Variants in ZNF821 observed in about 807,000 individuals in gnomAD.
ZNF821 encodes the protein zinc finger protein 821.
In ZNF821, 16 loss-of-function variants were observed where a neutral mutation model predicts 44.3. The ratio of observed to expected loss-of-function variants is 0.36; its 90% CI spans 0.24 to 0.55. The LOEUF is 0.55. Ranked by LOEUF, ZNF821 falls within the 20% of genes least tolerant of loss-of-function variation. The pLI, the probability that ZNF821 is intolerant of heterozygous loss-of-function variation, is 0.86. For missense variants in ZNF821, 436 were observed against 547.6 expected (o/e 0.80, Z 2.03); for synonymous variants, 204 against 197.6 (o/e 1.03, Z -0.27).
intron 3 of ZNF821, among the ~76,000 whole-genome samples, chr16:71,879,037 C>T (rs980609063): frequency 1.3e-5 from 2 of 152,116 alleles, no homozygotes; most frequent in African/African-American, 4.8e-5. Context: ...TGTGATCCAT[C>T]CCACAAATTG....
rs376024412 is a variant in ZNF821 at position 71,869,540 on chromosome 16, C to T, written c.41-1503G>A. Among the ~76,000 whole-genome samples the T allele has an allele frequency of 2.7e-5, 4 of 149,316 alleles. 1 individual carries two copies. In the East Asian group the frequency reaches 7.7e-4, roughly 29 times the overall value. ...CCTCACCTTAATTCTCTGCAAAACT[C>T]CGTGTGGTAGGGATTACTATCTATA... On this transcript the variant is annotated intron_variant, in intron 3 of 7. Coordinates refer to ENST00000425432, the MANE Select transcript of ZNF821 (RefSeq NM_001201552.2).
intron 7 of ZNF821, among the ~76,000 whole-genome samples, chr16:71,861,260 A>G (rs2033850740): frequency 6.6e-6 from 1 of 152,222 alleles, no homozygotes; most frequent in South Asian, 2.1e-4. Context: ...AAGCCAGAAT[A>G]ATGATTTTGA....
Position 71,883,117 on chromosome 16 carries a change from G to C in ZNF821, c.-78+94C>G, listed in dbSNP as rs1375262440. On this transcript the variant is annotated intron_variant, in intron 2 of 7. Transcript: ENST00000425432. ...GAACACTGTCTCTGCTCTCCCACAG[G>C]TATTAGGTTGCAGCGTCTAGGGCAC... The C allele has an allele frequency of 1.3e-5, 6 of 456,274 alleles. No homozygotes were observed. In the East Asian group the frequency reaches 4.2e-4, roughly 32 times the overall value. 28.3% of individuals were successfully genotyped at this position (456,274 alleles called of 1,614,324 possible). A position where few individuals can be genotyped will look rare whatever the true frequency, so the allele number is the denominator to read the frequency against.
chr16:71,861,991 A>G (rs1170840249), intron 6 of ZNF821, 49 bp from the exon 7 acceptor site: 1 of 1,591,758 alleles, frequency 6.3e-7, no homozygotes, highest in Admixed American at 1.7e-5. Context: ...CTCCAGGACA[A>G]TCTGCACCCA....
intron 1 of ZNF821, among the ~76,000 whole-genome samples, chr16:71,893,274 G>A (rs1248492293): frequency 4.0e-5 from 6 of 149,800 alleles, no homozygotes; most frequent in South Asian, 2.1e-4. Flanking sequence ...TGATCCTCCC[G>A]CCTCGGCCTC....
rs2033931778 is a variant in ZNF821 at position 71,861,853 on chromosome 16, G to A, written c.507C>T (p.Leu169=). ...ATCGCTGGTCCTCCGAGTGGATTAA[G>A]AGGTGGCGACCCAATGACCCCGGGG... The part of the protein sequence containing the change: ...LSSPGSLGRH[L]LIHSEDQRSN... Residue 169 remains leucine, a synonymous_variant, in exon 7 of 8, where the codon CTC becomes CTT. Transcript: ENST00000425432. 1.2e-6 allele frequency: 2 copies of A among 1,614,072 alleles called. No individual in the cohort carries two copies. The highest frequency in any genetic ancestry group is 1.7e-6 in the Non-Finnish European group (2 of 1,180,052).
chr16:71,870,057 TGTTA>T (rs1308249668), intron 3 of ZNF821, among the ~76,000 whole-genome samples: 3 of 152,228 alleles, frequency 2.0e-5, no homozygotes, highest in African/African-American at 7.2e-5. Context: ...CTGATCCTAG[TGTTA>T]GTGTTTCCTT....
At chr16:71,889,135 G>A (rs1344175323), upstream of ZNF821, among the ~76,000 whole-genome samples, 1 of 152,152 alleles carries the variant, frequency 6.6e-6, no homozygotes, top group African/African-American at 2.4e-5. Context: ...TGTAGTCCAA[G>A]CTACTTAGGA....
chr16:71,865,648 C>G (rs2034451727), intron 4 of ZNF821, among the ~76,000 whole-genome samples: 1 of 152,182 alleles, frequency 6.6e-6, no homozygotes, highest in Non-Finnish European at 1.5e-5. Flanking sequence ...AAAATTAGCA[C>G]AGCAACCAAC....
intron 3 of ZNF821, among the ~76,000 whole-genome samples, chr16:71,868,913 C>T (rs991644375): frequency 9.2e-5 from 14 of 152,082 alleles, no homozygotes; most frequent in South Asian, 4.2e-4. Flanking sequence ...CCGCCCGCCT[C>T]GGCCTCCCAA....
chr16:71,887,508 G>A (rs983543529), upstream of ZNF821, among the ~76,000 whole-genome samples: 5 of 152,088 alleles, frequency 3.3e-5, no homozygotes, highest in Non-Finnish European at 5.9e-5. Flanking sequence ...TGATCCGCCC[G>A]CCTCGGCCTC....
chr16:71,888,393 T>A (rs2036869822), upstream of ZNF821, among the ~76,000 whole-genome samples: 1 of 152,056 alleles, frequency 6.6e-6, no homozygotes, highest in Non-Finnish European at 1.5e-5. Flanking sequence ...TCTTAGGAGT[T>A]TTTTAGCTCC....
At chr16:71,879,029 T>C (rs1489653410) in intron 3 of ZNF821, among the ~76,000 whole-genome samples, 1 of 152,174 alleles carries the variant, frequency 6.6e-6, no homozygotes, top group Non-Finnish European at 1.5e-5. Flanking sequence ...CTCCCTCTTG[T>C]GATCCATCCC....
At chr16:71,863,838 C>T (rs2034217043) in intron 6 of ZNF821, among the ~76,000 whole-genome samples, 1 of 152,128 alleles carries the variant, frequency 6.6e-6, no homozygotes, top group African/African-American at 2.4e-5. Flanking sequence ...GCTGGGACTA[C>T]AGGCGCATGC....
At position 71,895,032 on chromosome 16, in the gene ZNF821, G is replaced by A. The variant is rs908474797; in HGVS notation, n.305C>T. 4 of 505,446 alleles carry A rather than the reference G, an allele frequency of 7.9e-6. No individual in the cohort carries two copies. The Admixed American group carries it at 1.4e-4, about 18-fold the overall frequency. The allele number at this position is 505,446 out of a possible 1,614,324, so 31.3% of individuals were successfully genotyped here. A position where few individuals can be genotyped will look rare whatever the true frequency, so the allele number is the denominator to read the frequency against. On this transcript the variant is annotated non_coding_transcript_exon_variant, in exon 1 of 3. Transcript: ENST00000561700. Reference sequence around the variant, plus strand: ...GGGGGAACGCTTAGAGCCCGTAGAGGGACACGGAGGCGCTGGGTGAAGAGT... The same window carrying A: ...GGGGGAACGCTTAGAGCCCGTAGAGAGACACGGAGGCGCTGGGTGAAGAGT...
chr16:71,879,756 T>A (rs1271438194), intron 3 of ZNF821, 151 bp downstream of exon 3: 4 of 768,522 alleles, frequency 5.2e-6, no homozygotes, highest in Admixed American at 2.6e-5. Context: ...TTTCTTTCTT[T>A]CTTTTTTTCT....
chr16:71,861,149 C>A (rs561649080), intron 7 of ZNF821, among the ~76,000 whole-genome samples: 1 of 152,208 alleles, frequency 6.6e-6, no homozygotes, highest in Non-Finnish European at 1.5e-5. Flanking sequence ...CCACTGTGCC[C>A]GGCCGGGTGT....
chr16:71,888,975 C>T (rs889213753), upstream of ZNF821, among the ~76,000 whole-genome samples: 1 of 152,142 alleles, frequency 6.6e-6, no homozygotes, highest in Non-Finnish European at 1.5e-5. Flanking sequence ...AGTATATAAT[C>T]GGGCCAAGCG....
In ZNF821 at chr16:71,860,717, G is replaced by GA. The variant is rs2033755797; in HGVS notation, c.585-46dup. ...GATGGTTAGTGTTTCCTTCTAGCAAGAGTCGGGACTCCAGCCCTGCCTTAT... is the reference window on the plus strand; with the variant it reads ...GATGGTTAGTGTTTCCTTCTAGCAAGAAGTCGGGACTCCAGCCCTGCCTTAT... On this transcript the variant is annotated intron_variant, in intron 7 of 7. Coordinates refer to ENST00000425432, the MANE Select transcript of ZNF821 (RefSeq NM_001201552.2). The surrounding 1 kb of genome is among the most constrained non-coding windows in gnomAD (Gnocchi z 7.3). 1 of 1,579,470 alleles carries GA rather than the reference G, an allele frequency of 6.3e-7. No homozygotes were observed.
Sources: gnomAD v4.1 joint callset for allele counts (sites outside exome capture counted in the v4.1 genomes callset) on GRCh38, gnomAD v4.1.1 for gene constraint, Gnocchi (gnomAD v3.1) non-coding constraint, MANE v1.5 for transcripts, NCBI Gene and HGNC (gene_info 2026-07-23, HGNC 2026-07-21) for gene names.